Variants in SPMIP7 observed in about 807,000 individuals in gnomAD.
The protein encoded by SPMIP7 is sperm microtubule inner protein 7, also known as protein SPMIP7.
the SPMIP7 span, among the ~76,000 whole-genome samples, chr7:50,147,665 C>A: frequency 1.3e-5 from 2 of 152,138 alleles, no homozygotes; most frequent in African/African-American, 2.4e-5. Flanking sequence ...AACTTATATA[C>A]CATCTGTGCT....
chr7:50,158,587 C>T, the SPMIP7 span, among the ~76,000 whole-genome samples: 1 of 152,084 alleles, frequency 6.6e-6, no homozygotes, highest in Non-Finnish European at 1.5e-5. Flanking sequence ...ATCCATGTCA[C>T]CCATGTCTTC....
the SPMIP7 span, among the ~76,000 whole-genome samples, chr7:50,101,507 T>C: frequency 2.6e-5 from 4 of 152,114 alleles, no homozygotes; most frequent in Admixed American, 2.6e-4. Flanking sequence ...AGCCATTAGG[T>C]TTTAGAATTG....
At chr7:50,148,939 G>A in the SPMIP7 span, among the ~76,000 whole-genome samples, 1 of 152,158 alleles carries the variant, frequency 6.6e-6, no homozygotes, top group Non-Finnish European at 1.5e-5. Context: ...AAGGTCAGGA[G>A]TTCAAGACCA....
chr7:50,156,355 T>A, the SPMIP7 span, among the ~76,000 whole-genome samples: 1 of 152,148 alleles, frequency 6.6e-6, no homozygotes, highest in African/African-American at 2.4e-5. Flanking sequence ...CTGCTTGATC[T>A]GATGCATTTT....
the SPMIP7 span, among the ~76,000 whole-genome samples, chr7:50,157,985 C>T: frequency 6.6e-6 from 1 of 152,206 alleles, no homozygotes; most frequent in African/African-American, 2.4e-5. Context: ...AAATGAAGCC[C>T]AGTCATGAGC....
At chr7:50,107,111 T>C in the SPMIP7 span, among the ~76,000 whole-genome samples, 17 of 151,792 alleles carry the variant, frequency 1.1e-4, no homozygotes, top group African/African-American at 4.1e-4. Context: ...GTGGCACATG[T>C]CTGGGAGGTC....
the SPMIP7 span, among the ~76,000 whole-genome samples, chr7:50,145,502 AAG>A: frequency 2.7e-5 from 4 of 147,452 alleles, no homozygotes; most frequent in African/African-American, 7.5e-5. Flanking sequence ...AGGATATGGA[AAG>A]AGTGTTGGGG....
At chr7:50,153,875 T>C in the SPMIP7 span, among the ~76,000 whole-genome samples, 1 of 152,160 alleles carries the variant, frequency 6.6e-6, no homozygotes, top group Admixed American at 6.5e-5. Context: ...ATACAGACAA[T>C]TCTAAGCATC....
chr7:50,140,251 A>G, the SPMIP7 span: 1 of 857,514 alleles, frequency 1.2e-6, no homozygotes, highest in East Asian at 3.0e-5. Flanking sequence ...CTTTCAGCTC[A>G]CGCATGTTGT....
At chr7:50,109,158 G>A in the SPMIP7 span, among the ~76,000 whole-genome samples, 3 of 152,050 alleles carry the variant, frequency 2.0e-5, no homozygotes, top group Non-Finnish European at 2.9e-5. Context: ...TGTTCTCATG[G>A]CCTACTTGTT....
At chr7:50,109,393 T>G in the SPMIP7 span, among the ~76,000 whole-genome samples, 1 of 134,734 alleles carries the variant, frequency 7.4e-6, no homozygotes, top group Non-Finnish European at 1.6e-5. Flanking sequence ...ATTTATTTAT[T>G]TAAGACAGAG....
At chr7:50,114,545 G>A in the SPMIP7 span, among the ~76,000 whole-genome samples, 4 of 151,896 alleles carry the variant, frequency 2.6e-5, no homozygotes, top group African/African-American at 7.3e-5. Flanking sequence ...TATGTAGTAA[G>A]TTAATAGGAG....
At chr7:50,138,049 G>T in the SPMIP7 span, among the ~76,000 whole-genome samples, 1 of 152,054 alleles carries the variant, frequency 6.6e-6, no homozygotes, top group African/African-American at 2.4e-5. Flanking sequence ...TTTTTGTGAA[G>T]ATTTTAATGA....
At chr7:50,144,339 T>C in the SPMIP7 span, among the ~76,000 whole-genome samples, 2 of 152,230 alleles carry the variant, frequency 1.3e-5, no homozygotes, top group Non-Finnish European at 2.9e-5. Context: ...CCCTCATGCA[T>C]TTATGAATGT....
At chr7:50,117,452 A>C in the SPMIP7 span, 1 of 248,446 alleles carries the variant, frequency 4.0e-6, no homozygotes, top group Non-Finnish European at 8.4e-6. Context: ...TTCCAGACAA[A>C]CTCTGTATTT....
chr7:50,136,139 C>A, the SPMIP7 span: 1 of 1,551,272 alleles, frequency 6.4e-7, no homozygotes, highest in Non-Finnish European at 8.7e-7. Flanking sequence ...CAAGATCTTT[C>A]TTGGCACCAG....
At chr7:50,118,455 T>C in the SPMIP7 span, among the ~76,000 whole-genome samples, 1 of 152,214 alleles carries the variant, frequency 6.6e-6, no homozygotes, top group Non-Finnish European at 1.5e-5. Flanking sequence ...CTTCAGGTGG[T>C]GTATTTTCAC....
chr7:50,110,071 A>T, the SPMIP7 span, among the ~76,000 whole-genome samples: 1 of 152,124 alleles, frequency 6.6e-6, no homozygotes, highest in Non-Finnish European at 1.5e-5. Flanking sequence ...TGCTGTAGTC[A>T]ATTTGAATAT....
the SPMIP7 span, among the ~76,000 whole-genome samples, chr7:50,135,068 C>T: frequency 6.6e-6 from 1 of 152,166 alleles, no homozygotes; most frequent in African/African-American, 2.4e-5. Flanking sequence ...GTCCTCAAGT[C>T]TCCCATGCTC....
Sources: gnomAD v4.1 joint callset for allele counts (sites outside exome capture counted in the v4.1 genomes callset) on GRCh38, gnomAD v4.1.1 for gene constraint, MANE v1.5 for transcripts, NCBI Gene and HGNC (gene_info 2026-07-23, HGNC 2026-07-21) for gene names.